Variants in LRP5 observed in about 807,000 individuals in gnomAD.
LRP5 encodes the protein low-density lipoprotein receptor-related protein 5.
LRP5 carries 62 observed loss-of-function variants against 154.1 expected under a neutral mutation model. The observed-to-expected ratio is 0.40, with a 90% CI of 0.33 to 0.50. The LOEUF is 0.50. Among genes scored for constraint, LRP5 ranks in the 20% least tolerant of loss-of-function variants. LRP5 has a pLI of 0.55. For synonymous variants in LRP5, 966 were observed against 1,011.5 expected (o/e 0.96, Z 0.85); for missense variants, 1,915 against 2,336.7 (o/e 0.82, Z 3.72).
chr11:68,362,235 C>G (rs1696720032), intron 3 of LRP5, among the ~76,000 whole-genome samples: 1 of 152,132 alleles, frequency 6.6e-6, no homozygotes, highest in Non-Finnish European at 1.5e-5. Flanking sequence ...TTAAGTCCAT[C>G]AAAAGTGTTT....
chr11:68,375,015 A>G (rs1052030456), intron 5 of LRP5, among the ~76,000 whole-genome samples: 6 of 152,228 alleles, frequency 3.9e-5, no homozygotes, highest in African/African-American at 1.4e-4. Flanking sequence ...GCCCAGCTCC[A>G]TGCGGACCCC....
Position 68,415,899 on chromosome 11 carries a change from C to G in LRP5, c.2828-429C>G, listed in dbSNP as rs561739008. Reference sequence around the variant, plus strand: ...GTGAAACCCGTCTCTACTAAAAATACAAAAAATGAGCCAGGCGTGGTGACG... The same window carrying G: ...GTGAAACCCGTCTCTACTAAAAATAGAAAAAATGAGCCAGGCGTGGTGACG... On this transcript the variant is annotated intron_variant, in intron 12 of 22. Transcript: ENST00000294304. 0.016 allele frequency among the ~76,000 whole-genome samples: 439 copies of G among 26,846 alleles called. 185 individuals are homozygous for G. The Middle Eastern group carries it at 0.23, about 14-fold the overall frequency. The allele number at this position is 26,846 out of a possible 152,430, so 17.6% of individuals were successfully genotyped here. A position where few individuals can be genotyped will look rare whatever the true frequency, so the allele number is the denominator to read the frequency against.
intron 1 of LRP5, among the ~76,000 whole-genome samples, chr11:68,321,401 G>A (rs890411853): frequency 4.6e-5 from 7 of 152,154 alleles, no homozygotes; most frequent in Admixed American, 2.0e-4. Flanking sequence ...CTTCAGAGCC[G>A]TCCTATCAGG....
At chr11:68,304,674 C>T in the LRP5 span, among the ~76,000 whole-genome samples, 1 of 152,240 alleles carries the variant, frequency 6.6e-6, no homozygotes, top group Non-Finnish European at 1.5e-5. Flanking sequence ...ATAGAGCTGC[C>T]CAAGGCCTTG....
intron 13 of LRP5, among the ~76,000 whole-genome samples, chr11:68,417,366 G>A (rs990384332): frequency 2.0e-5 from 3 of 150,940 alleles, no homozygotes; most frequent in African/African-American, 4.9e-5. Flanking sequence ...AATGTTTCTC[G>A]TGGAGGAAAT....
chr11:68,340,963 C>T (rs191313111), intron 1 of LRP5, among the ~76,000 whole-genome samples: 2 of 150,868 alleles, frequency 1.3e-5, no homozygotes, highest in Admixed American at 1.3e-4. Context: ...ACATGTCGAA[C>T]GTTTTGTTGT....
chr11:68,304,689 C>T, the LRP5 span, among the ~76,000 whole-genome samples: 1 of 152,366 alleles, frequency 6.6e-6, no homozygotes, highest in East Asian at 1.9e-4. Context: ...GCCTTGGGAG[C>T]CTGCCCCTTG....
Position 68,425,394 on chromosome 11 carries a change from C to G in LRP5, c.3427+102C>G. On this transcript the variant is annotated intron_variant, in intron 15 of 22. Transcript: ENST00000294304. ...CCGAGACCTGCCGTGAGCCCAGTGCCGCGCCAGGGGCTTTGTGTGTAGCGT... is the reference window on the plus strand; with the variant it reads ...CCGAGACCTGCCGTGAGCCCAGTGCGGCGCCAGGGGCTTTGTGTGTAGCGT... The G allele has an allele frequency of 2.5e-6, 3 of 1,223,202 alleles. No individual in the cohort carries two copies. In the Admixed American group the frequency reaches 6.0e-5, roughly 25 times the overall value. 75.8% of individuals were successfully genotyped at this position (1,223,202 alleles called of 1,614,324 possible). A position where few individuals can be genotyped will look rare whatever the true frequency, so the allele number is the denominator to read the frequency against.
intron 12 of LRP5, among the ~76,000 whole-genome samples, chr11:68,414,457 C>T (rs144902085): frequency 3.9e-5 from 6 of 152,240 alleles, no homozygotes; most frequent in East Asian, 3.9e-4. Context: ...TGGGTTGAGC[C>T]GGGGTTGACT....
intron 2 of LRP5, among the ~76,000 whole-genome samples, chr11:68,350,407 C>A (rs2098617290): frequency 6.6e-6 from 1 of 152,222 alleles, no homozygotes; most frequent in African/African-American, 2.4e-5. Context: ...CACAGGAGCC[C>A]GCCTGCCCTC....
chr11:68,378,306 G>A (rs10896321), intron 5 of LRP5, among the ~76,000 whole-genome samples: 43,628 of 152,060 alleles, frequency 0.29, 6,731 homozygotes, highest in Admixed American at 0.4. Flanking sequence ...GCCGCTGGGC[G>A]ACGGTGTGCT....
At chr11:68,397,251 T>C (rs1271088907) in intron 7 of LRP5, among the ~76,000 whole-genome samples, 2 of 152,064 alleles carry the variant, frequency 1.3e-5, no homozygotes, top group African/African-American at 4.8e-5. Flanking sequence ...CCCTCTACCC[T>C]GCCCTTCTCT....
At chr11:68,427,285 G>A (rs1445598849) in intron 16 of LRP5, among the ~76,000 whole-genome samples, 1 of 152,110 alleles carries the variant, frequency 6.6e-6, no homozygotes, top group East Asian at 1.9e-4. Context: ...CTCCACAGCT[G>A]GGACCACAGT....
chr11:68,390,128 G>T, intron 7 of LRP5, 76 bp downstream of exon 7: 2 of 1,553,132 alleles, frequency 1.3e-6, no homozygotes, highest in South Asian at 1.1e-5. Context: ...ACGTATTGGC[G>T]AGGCACCGAT....
chr11:68,448,668 C>A, intron 22 of LRP5, 141 bp from the exon 23 acceptor site: 1 of 1,007,718 alleles, frequency 9.9e-7, no homozygotes, highest in Non-Finnish European at 1.5e-6. Flanking sequence ...GGCGACACAG[C>A]GGGGTGGGTC....
At chr11:68,350,926 G>A (rs757405728) in intron 2 of LRP5, among the ~76,000 whole-genome samples, 17 of 152,132 alleles carry the variant, frequency 1.1e-4, no homozygotes, top group African/African-American at 3.1e-4. Context: ...ACGCATATGC[G>A]TGCATACGTG....
upstream of LRP5, among the ~76,000 whole-genome samples, chr11:68,308,251 G>A (rs1012094174): frequency 4.6e-5 from 7 of 152,206 alleles, no homozygotes; most frequent in Non-Finnish European, 7.3e-5. Flanking sequence ...CAGTCCTGCC[G>A]GGTTGGGGGG....
chr11:68,387,574 G>A (rs1383909457), intron 6 of LRP5, among the ~76,000 whole-genome samples: 2 of 152,244 alleles, frequency 1.3e-5, no homozygotes, highest in East Asian at 1.9e-4. Context: ...GCCTGGCAGC[G>A]TGGCTCCAGC....
rs765665314 is a variant in LRP5 at position 68,416,373 on chromosome 11, G to A, written c.2873G>A (p.Arg958Gln). Reference sequence around the variant, plus strand: ...TTCAGCCAGAAATCTGCCATCAGTCGGATGATCCCGGACGACCAGCACAGC... The same window carrying A: ...TTCAGCCAGAAATCTGCCATCAGTCAGATGATCCCGGACGACCAGCACAGC... ...LLFSQKSAIS[R>Q]MIPDDQHSPD... Residue 958 changes from arginine to glutamine, a missense_variant, in exon 13 of 23, where the codon CGG becomes CAG. By Grantham distance (43) the Arg-to-Gln change is conservative (BLOSUM62 1). This residue lies in a region of LRP5 where 1,094 missense variants were observed against 1,210.1 expected (regional missense o/e 0.90). Coordinates refer to ENST00000294304, the MANE Select transcript of LRP5 (RefSeq NM_002335.4). 41 of 1,614,034 alleles carry A rather than the reference G, an allele frequency of 2.5e-5. No homozygotes were observed. The highest frequency in any genetic ancestry group is 8.3e-5 in the Admixed American group (5 of 60,006).
Sources: gnomAD v4.1 joint callset for allele counts (sites outside exome capture counted in the v4.1 genomes callset) on GRCh38, gnomAD v4.1.1 for gene constraint, gnomAD v4.1.1 regional missense constraint, MANE v1.5 for transcripts, NCBI Gene and HGNC (gene_info 2026-07-23, HGNC 2026-07-21) for gene names.